KALRN: variants seen among roughly 807,000 people sequenced by gnomAD.
KALRN encodes the protein kalirin.
KALRN carries 70 observed loss-of-function variants against 353.7 expected under a neutral mutation model. The ratio of observed to expected loss-of-function variants is 0.20; its 90% CI spans 0.16 to 0.24. The LOEUF (loss-of-function observed/expected upper bound fraction) is 0.24, where lower values mean the gene tolerates loss of function less well. Among genes scored for constraint, KALRN ranks in the 10% least tolerant of loss-of-function variants. KALRN has a pLI of 1.00. For synonymous variants in KALRN, 1,391 were observed against 1,434.8 expected, an observed-to-expected ratio of 0.97 and a Z score of 0.69; for missense variants, 2,791 against 3,756.7, an observed-to-expected ratio of 0.74 and a Z score of 6.72.
At chr3:124,285,747 G>C (rs2075774259) in intron 5 of KALRN, among the ~76,000 whole-genome samples, 1 of 152,132 alleles carries the variant, frequency 6.6e-6, no homozygotes, top group African/African-American at 2.4e-5. Flanking sequence ...TGTCGGCCAG[G>C]CTGGTCTTGA....
At chr3:124,109,428 C>A (rs980227031) in intron 1 of KALRN, among the ~76,000 whole-genome samples, 4 of 151,938 alleles carry the variant, frequency 2.6e-5, no homozygotes. Context: ...GTGCTAAAAT[C>A]CCTTCCCTAT....
At chr3:124,351,282 G>A (rs10934667) in intron 10 of KALRN, among the ~76,000 whole-genome samples, 30,529 of 152,048 alleles carry the variant, frequency 0.2, 3,220 homozygotes, top group Middle Eastern at 0.26. Flanking sequence ...TCTTTGTTTG[G>A]GTTGCTGTTT....
chr3:124,122,334 T>A (rs2064125634), intron 1 of KALRN, among the ~76,000 whole-genome samples: 1 of 152,110 alleles, frequency 6.6e-6, no homozygotes, highest in African/African-American at 2.4e-5. Context: ...AAAGCCAGAC[T>A]GCAGGAGCCT....
In KALRN at chr3:124,694,327, C is replaced by A. The variant is rs1176057090; in HGVS notation, c.7406-5C>A. 1 of 1,613,154 alleles carries A rather than the reference C, an allele frequency of 6.2e-7. No individual in the cohort carries two copies. Among genetic ancestry groups the A allele is most frequent in the East Asian group, 2.2e-5 (1 of 44,864 alleles). On this transcript the variant is annotated splice_region_variant and splice_polypyrimidine_tract_variant and intron_variant, in intron 52 of 59. Coordinates refer to ENST00000682506, the MANE Select transcript of KALRN (RefSeq NM_001388419.1). ...TGATGTTAATGTATGTTGATTTGATCACAGTGGCCCCAGAATTCCTTGTGC... is the reference window on the plus strand; with the variant it reads ...TGATGTTAATGTATGTTGATTTGATAACAGTGGCCCCAGAATTCCTTGTGC...
rs1264469923 is a variant in KALRN at position 124,109,799 on chromosome 3, T to C, written c.73+75986T>C. ...GACATATATATCATACTTTGATATA[T>C]ATATGACATATATATCATACTTTGA... On this transcript the variant is annotated intron_variant, in intron 1 of 59. Coordinates refer to ENST00000682506, the MANE Select transcript of KALRN (RefSeq NM_001388419.1). Among the ~76,000 whole-genome samples, 108 of 21,844 alleles carry C rather than the reference T, an allele frequency of 4.9e-3. 2 individuals carry two copies. The highest frequency in any genetic ancestry group is 0.022 in the African/African-American group (87 of 3,922). The allele number at this position is 21,844 out of a possible 152,430, so 14.3% of individuals were successfully genotyped here. A position where few individuals can be genotyped will look rare whatever the true frequency, so the allele number is the denominator to read the frequency against.
At chr3:124,396,144 C>G (rs1269805454) in intron 12 of KALRN, among the ~76,000 whole-genome samples, 1 of 152,140 alleles carries the variant, frequency 6.6e-6, no homozygotes, top group Admixed American at 6.5e-5. Context: ...GGACTTTTTC[C>G]TATCCCAAAA....
intron 10 of KALRN, among the ~76,000 whole-genome samples, chr3:124,358,666 T>C (rs2083682950): frequency 6.6e-6 from 1 of 152,214 alleles, no homozygotes; most frequent in Admixed American, 6.5e-5. Flanking sequence ...CTGAGTACTT[T>C]CTGTGTGCTG....
intron 10 of KALRN, among the ~76,000 whole-genome samples, chr3:124,368,283 G>T (rs1287748603): frequency 2.1e-5 from 3 of 144,560 alleles, no homozygotes; most frequent in Non-Finnish European, 4.5e-5. Flanking sequence ...CTGCCGGGCG[G>T]AGACGCTCCT....
At chr3:124,048,486 CTT>C (rs778360297) in intron 1 of KALRN, among the ~76,000 whole-genome samples, 2 of 144,232 alleles carry the variant, frequency 1.4e-5, no homozygotes, top group African/African-American at 2.5e-5. Context: ...AGCTTTACCT[CTT>C]TTTTTTTTTT....
chr3:124,039,885 G>T (rs1343444645), intron 1 of KALRN, among the ~76,000 whole-genome samples: 1 of 152,076 alleles, frequency 6.6e-6, no homozygotes. Context: ...TTATGAACTG[G>T]GCTTTTGGTC....
intron 25 of KALRN, among the ~76,000 whole-genome samples, chr3:124,466,120 T>G (rs2060326244): frequency 6.6e-6 from 1 of 151,630 alleles, no homozygotes; most frequent in African/African-American, 2.4e-5. Flanking sequence ...TTATAGGTAT[T>G]GAATGGGGAA....
intron 1 of KALRN, among the ~76,000 whole-genome samples, chr3:124,195,775 A>G (rs1289261224): frequency 6.6e-6 from 1 of 152,206 alleles, no homozygotes; most frequent in African/African-American, 2.4e-5. Flanking sequence ...TTTCTGCACA[A>G]AAGGACAGCT....
At chr3:124,416,385 G>A (rs2092498436) in intron 14 of KALRN, among the ~76,000 whole-genome samples, 1 of 152,228 alleles carries the variant, frequency 6.6e-6, no homozygotes, top group African/African-American at 2.4e-5. Flanking sequence ...TGAGTGGGGT[G>A]AAAACACCCC....
intron 26 of KALRN, among the ~76,000 whole-genome samples, chr3:124,475,860 A>G (rs2061382559): frequency 6.6e-6 from 1 of 152,092 alleles, no homozygotes; most frequent in South Asian, 2.1e-4. Flanking sequence ...GTTCTAATAC[A>G]TTTTCTACCC....
chr3:124,140,634 G>T (rs1217465353), intron 1 of KALRN, among the ~76,000 whole-genome samples: 2 of 152,194 alleles, frequency 1.3e-5, no homozygotes, highest in Admixed American at 6.5e-5. Context: ...AGGAATTCTT[G>T]CCTGGACAGG....
intron 47 of KALRN, among the ~76,000 whole-genome samples, chr3:124,670,966 C>CT (rs1259733909): frequency 1.3e-5 from 2 of 152,120 alleles, no homozygotes; most frequent in African/African-American, 2.4e-5. Context: ...CTCTCCCGAC[C>CT]TCACCACGCC....
At chr3:124,039,782 T>C (rs1476882406) in intron 1 of KALRN, among the ~76,000 whole-genome samples, 1 of 152,182 alleles carries the variant, frequency 6.6e-6, no homozygotes, top group East Asian at 1.9e-4. Context: ...ACATCTCTTT[T>C]TTTTTTTAAG....
chr3:124,286,005 C>T (rs1449052448), intron 5 of KALRN, among the ~76,000 whole-genome samples: 1 of 152,012 alleles, frequency 6.6e-6, no homozygotes, highest in Non-Finnish European at 1.5e-5. Context: ...TGTCCCACAT[C>T]TCTTCTGCTG....
At chr3:124,155,768 G>A (rs1171939151) in intron 1 of KALRN, among the ~76,000 whole-genome samples, 2 of 152,170 alleles carry the variant, frequency 1.3e-5, no homozygotes, top group Admixed American at 1.3e-4. Flanking sequence ...CTCACAATAA[G>A]GGAAAGGCTT....
Sources: gnomAD v4.1 joint callset for allele counts (sites outside exome capture counted in the v4.1 genomes callset) on GRCh38, gnomAD v4.1.1 for gene constraint, MANE v1.5 for transcripts, NCBI Gene and HGNC (gene_info 2026-07-23, HGNC 2026-07-21) for gene names.